Variants in PKIB observed in about 807,000 individuals in gnomAD.
The protein encoded by PKIB is cAMP-dependent protein kinase inhibitor beta.
In PKIB, 2 loss-of-function variants were observed where a neutral mutation model predicts 4.5. The ratio of observed to expected loss-of-function variants is 0.44; its 90% CI spans 0.18 to 1.39. The LOEUF (loss-of-function observed/expected upper bound fraction) is 1.39. Ranked by LOEUF, PKIB falls within the 40% of genes most tolerant of loss-of-function variation. PKIB has a pLI of 0.27. For synonymous variants in PKIB, 38 were observed against 36.0 expected (o/e 1.06, Z -0.20); for missense variants, 94 against 92.6 (o/e 1.02, Z -0.06).
chr6:122,630,612 AT>A (rs1365958947), intron 1 of PKIB, among the ~76,000 whole-genome samples: 2 of 152,182 alleles, frequency 1.3e-5, no homozygotes, highest in African/African-American at 2.4e-5. Context: ...TTGTATAACA[AT>A]ATGAATATAA....
At position 122,698,016 on chromosome 6, in the gene PKIB, T is replaced by C. The variant is rs186374464; in HGVS notation, c.-8-19771T>C. On this transcript the variant is annotated intron_variant, in intron 3 of 4. Transcript: ENST00000368452. The stretch of plus-strand genomic sequence containing the variant: ...TCTAAGAGTTGTAAAAATATACATA[T>C]GAGGTGAAATGGCCAGGGCATCCAT... Among the ~76,000 whole-genome samples, 260 of 152,216 alleles carry C rather than the reference T, an allele frequency of 1.7e-3. 2 individuals carry two copies. The highest frequency in any genetic ancestry group is 5.9e-3 in the African/African-American group (247 of 41,532).
chr6:122,541,419 T>C (rs1197203139), intron 2 of PKIB, among the ~76,000 whole-genome samples: 1 of 151,856 alleles, frequency 6.6e-6, no homozygotes, highest in East Asian at 1.9e-4. Context: ...CTGTAAAGTA[T>C]TTTATTTCTC....
Position 122,725,281 on chromosome 6 carries a change from T to C in PKIB, c.*86T>C, listed in dbSNP as rs1562322698. On this transcript the variant is annotated 3_prime_UTR_variant, in exon 5 of 5. Transcript: ENST00000368452. ...TTTCTTGAGACATTTAATCTGGTGGTAACTGTGGTAACATTGCAGCCCTAA... is the reference window on the plus strand; with the variant it reads ...TTTCTTGAGACATTTAATCTGGTGGCAACTGTGGTAACATTGCAGCCCTAA... 9.3e-7 allele frequency: 1 copy of C among 1,069,832 alleles called. No individual in the cohort carries two copies. Among genetic ancestry groups the C allele is most frequent in the Non-Finnish European group, 1.4e-6 (1 of 721,242 alleles). 66.3% of individuals were successfully genotyped at this position (1,069,832 alleles called of 1,614,324 possible).
intron 2 of PKIB, among the ~76,000 whole-genome samples, chr6:122,660,040 T>G (rs1014731468): frequency 2.6e-5 from 4 of 152,248 alleles, no homozygotes; most frequent in African/African-American, 7.2e-5. Flanking sequence ...ACTTTAGTTT[T>G]CCTTTACAAA....
chr6:122,525,058 AAT>A (rs1491379060), intron 2 of PKIB, among the ~76,000 whole-genome samples: 1 of 145,374 alleles, frequency 6.9e-6, no homozygotes, highest in Non-Finnish European at 1.5e-5. Context: ...TTAGGTTGTT[AAT>A]TTTTTTTTTA....
At chr6:122,491,392 C>T (rs554558204) in intron 2 of PKIB, among the ~76,000 whole-genome samples, 1 of 152,246 alleles carries the variant, frequency 6.6e-6, no homozygotes, top group South Asian at 2.1e-4. Context: ...TTCCTGAGAT[C>T]TTTTTGGGAA....
chr6:122,572,611 A>G (rs1285534967), intron 2 of PKIB, among the ~76,000 whole-genome samples: 2 of 151,562 alleles, frequency 1.3e-5, no homozygotes, highest in African/African-American at 4.8e-5. Flanking sequence ...AGCAGAAGGA[A>G]AAAAAAAACA....
At chr6:122,582,292 T>A (rs1347563846) in intron 2 of PKIB, among the ~76,000 whole-genome samples, 2 of 151,960 alleles carry the variant, frequency 1.3e-5, no homozygotes, top group Non-Finnish European at 2.9e-5. Flanking sequence ...ACTTCCCTTA[T>A]TTTCTCCTAT....
chr6:122,581,193 A>G (rs1773692081), intron 2 of PKIB, among the ~76,000 whole-genome samples: 1 of 152,182 alleles, frequency 6.6e-6, no homozygotes, highest in African/African-American at 2.4e-5. Flanking sequence ...CCATTATAAT[A>G]CCATCATCAT....
chr6:122,656,691 G>A (rs188370480), intron 2 of PKIB, among the ~76,000 whole-genome samples: 14 of 152,248 alleles, frequency 9.2e-5, no homozygotes, highest in African/African-American at 2.6e-4. Flanking sequence ...TCCAGGGAGT[G>A]GAACATGAGA....
At chr6:122,574,087 A>C (rs544345494) in intron 2 of PKIB, among the ~76,000 whole-genome samples, 1 of 152,228 alleles carries the variant, frequency 6.6e-6, no homozygotes, top group Non-Finnish European at 1.5e-5. Context: ...TTACAAAATT[A>C]ATGTACACAA....
chr6:122,643,686 A>G (rs1324410494), intron 2 of PKIB: 1 of 152,220 alleles, frequency 6.6e-6, no homozygotes, highest in African/African-American at 2.4e-5. Flanking sequence ...TACCTTGTAA[A>G]TAGCATAGAA....
At chr6:122,523,025 T>C (rs968506196) in intron 2 of PKIB, among the ~76,000 whole-genome samples, 3 of 152,226 alleles carry the variant, frequency 2.0e-5, no homozygotes, top group South Asian at 2.1e-4. Context: ...TACTATGTTG[T>C]ATAAAACAGT....
At chr6:122,581,769 C>T (rs1326704829) in intron 2 of PKIB, 1 of 151,746 alleles carries the variant, frequency 6.6e-6, no homozygotes, top group Non-Finnish European at 1.5e-5. Flanking sequence ...GGGCAGGGAC[C>T]ATTAAAAATC....
chr6:122,633,572 T>C (rs1396230480), intron 2 of PKIB, among the ~76,000 whole-genome samples: 1 of 152,186 alleles, frequency 6.6e-6, no homozygotes, highest in Admixed American at 6.6e-5. Context: ...CGATACATAC[T>C]GGGACCTTGA....
chr6:122,591,216 ACACC>A (rs1349505741), intron 3 of PKIB, among the ~76,000 whole-genome samples: 2,381 of 148,910 alleles, frequency 0.016, 67 homozygotes, highest in African/African-American at 0.056. Flanking sequence ...ACACACACAC[ACACC>A]CCCCACATAC....
chr6:122,500,755 G>A (rs1054571746), intron 2 of PKIB, among the ~76,000 whole-genome samples: 9 of 152,170 alleles, frequency 5.9e-5, no homozygotes, highest in Non-Finnish European at 1.3e-4. Context: ...GTAATTCATG[G>A]AGAAAAGAGG....
At chr6:122,703,493 A>C (rs1164579038) in intron 3 of PKIB, among the ~76,000 whole-genome samples, 1 of 152,106 alleles carries the variant, frequency 6.6e-6, no homozygotes, top group Non-Finnish European at 1.5e-5. Context: ...ACTATGAGAA[A>C]ACATATGTAA....
chr6:122,609,390 G>A (rs756488088), upstream of PKIB, among the ~76,000 whole-genome samples: 13 of 152,170 alleles, frequency 8.5e-5, no homozygotes, highest in Non-Finnish European at 1.6e-4. Flanking sequence ...TATTGTGGAG[G>A]TATGAATATT....
Sources: allele counts gnomAD v4.1 joint callset (sites outside exome capture counted in the v4.1 genomes callset), GRCh38; gene constraint gnomAD v4.1.1; transcripts MANE v1.5; gene names NCBI Gene and HGNC (gene_info 2026-07-23, HGNC 2026-07-21).